The following TCF7L2 variants were observed in gnomAD, a reference collection of about 807,000 sequenced individuals.
TCF7L2 encodes the protein transcription factor 7 like 2, also known as transcription factor 7-like 2.
TCF7L2 carries 23 observed loss-of-function variants against 77.9 expected under a neutral mutation model. The ratio of observed to expected loss-of-function variants is 0.30; its 90% confidence interval spans 0.21 to 0.42. The LOEUF is 0.42. Among genes scored for constraint, TCF7L2 ranks in the 10% least tolerant of loss-of-function variants. The pLI is 1.00. For missense variants in TCF7L2, 654 were observed against 793.1 expected (o/e 0.82, Z 2.11); for synonymous variants, 413 against 340.2 (o/e 1.21, Z -2.36).
chr10:113,153,253 G>C (rs2071136530), intron 11 of TCF7L2, among the ~76,000 whole-genome samples: 1 of 152,254 alleles, frequency 6.6e-6, no homozygotes, highest in Admixed American at 6.5e-5. Flanking sequence ...CACCATTGCT[G>C]GTTATCCTCC....
Position 113,151,001 on chromosome 10 carries a change from C to T in TCF7L2, c.879C>T (p.Phe293=), listed in dbSNP as rs2137126424. 6.2e-7 allele frequency: 1 copy of T among 1,613,678 alleles called. No homozygotes were observed. Among genetic ancestry groups the T allele is most frequent in the South Asian group, 1.1e-5 (1 of 91,052 alleles). The change falls in exon 9 of 14, where the codon TTC becomes TTT. Residue 293 remains phenylalanine, a synonymous_variant. Transcript: ENST00000627217. The surrounding 1 kb of genome is among the most constrained non-coding windows in gnomAD (Gnocchi z 5.2). ...TACACAGCTTTCTGTCTTCTAGGTT[C>T]CCTCCCCATATGGTCCCACCACATC...
intron 3 of TCF7L2, 73 bp downstream of exon 3, chr10:112,951,680 C>A: frequency 1.1e-6 from 1 of 884,926 alleles, no homozygotes; most frequent in Non-Finnish European, 1.4e-6. Context: ...CGCATGCGGC[C>A]CCTGCCCTGC....
chr10:113,131,698 G>A (rs2066628925), intron 5 of TCF7L2, among the ~76,000 whole-genome samples: 1 of 152,202 alleles, frequency 6.6e-6, no homozygotes, highest in Non-Finnish European at 1.5e-5. Flanking sequence ...TTTTCTGGAA[G>A]CAGCAGAGCC....
At chr10:113,061,231 T>C (rs1157559700) in intron 5 of TCF7L2, among the ~76,000 whole-genome samples, 1 of 152,120 alleles carries the variant, frequency 6.6e-6, no homozygotes, top group African/African-American at 2.4e-5. Context: ...CCAGCTGGCA[T>C]GGTCCCCCGT....
In TCF7L2 at chr10:113,089,620, A is replaced by G. The variant is rs139520024; in HGVS notation, c.552+49494A>G. The G allele has an allele frequency of 3.9e-4, 604 of 1,540,758 alleles. 3 individuals carry two copies. The African/African-American group carries it at 7.6e-3, about 19-fold the overall frequency. On this transcript the variant is annotated intron_variant, in intron 5 of 13. Coordinates refer to ENST00000627217, the MANE Select transcript of TCF7L2 (RefSeq NM_001146274.2). ...GCCCACCCAAAGTTTACCTCTCTCT[A>G]GGGCAGGGCCCATCCACTGCGATCC...
intron 5 of TCF7L2, among the ~76,000 whole-genome samples, chr10:113,075,634 T>C (rs1045943194): frequency 6.6e-6 from 1 of 152,156 alleles, no homozygotes; most frequent in Non-Finnish European, 1.5e-5. Context: ...GACATGATGA[T>C]GTAAAAGCTA....
chr10:113,167,485 A>G lies in TCF7L2; in HGVS notation c.*1513A>G, dbSNP rs1247873351. On this transcript the variant is annotated 3_prime_UTR_variant, in exon 14 of 14. Transcript: ENST00000627217. Reference sequence around the variant, plus strand: ...TTTTCTCTGGTTTATTAAAATGCTAACTATAACATTTTTTGTGAATACTTT... The same window carrying G: ...TTTTCTCTGGTTTATTAAAATGCTAGCTATAACATTTTTTGTGAATACTTT... 9.0e-6 allele frequency: 2 copies of G among 221,240 alleles called. No homozygotes were observed. The highest frequency in any genetic ancestry group is 2.2e-5 in the African/African-American group (1 of 44,640). The allele number at this position is 221,240 out of a possible 1,614,324, so 13.7% of individuals were successfully genotyped here. A position where few individuals can be genotyped will look rare whatever the true frequency, so the allele number is the denominator to read the frequency against.
chr10:113,074,817 T>G (rs545899860), intron 5 of TCF7L2, among the ~76,000 whole-genome samples: 1 of 152,262 alleles, frequency 6.6e-6, no homozygotes, highest in African/African-American at 2.4e-5. Flanking sequence ...CTGGATACAG[T>G]GTTGGTTGTA....
At chr10:113,143,230 G>A (rs907750734) in intron 6 of TCF7L2, among the ~76,000 whole-genome samples, 3 of 152,356 alleles carry the variant, frequency 2.0e-5, no homozygotes, top group South Asian at 2.1e-4. Flanking sequence ...TGCGACGCAC[G>A]CGGTGCCCAT....
rs146114937 is a variant in TCF7L2, at chr10:112,959,613, G to A, written c.382-4943G>A. Among the ~76,000 whole-genome samples the A allele has an allele frequency of 2.8e-3, 423 of 152,256 alleles. 3 individuals carry two copies. Among genetic ancestry groups the A allele is most frequent in the African/African-American group, 9.7e-3 (405 of 41,550 alleles). Reference sequence around the variant, plus strand: ...ATGTTCAGTGTCTAGATCTCTGCAGGAATGTTTAAGCTCAAGTACCAGGCA... The same window carrying A: ...ATGTTCAGTGTCTAGATCTCTGCAGAAATGTTTAAGCTCAAGTACCAGGCA... On this transcript the variant is annotated intron_variant, in intron 3 of 13. Coordinates refer to ENST00000627217, the MANE Select transcript of TCF7L2 (RefSeq NM_001146274.2).
chr10:113,044,038 T>TG (rs1320950664), intron 5 of TCF7L2, among the ~76,000 whole-genome samples: 1 of 152,224 alleles, frequency 6.6e-6, no homozygotes, highest in Non-Finnish European at 1.5e-5. Context: ...AATTTTATCT[T>TG]GGGGGTTTCC....
chr10:113,092,404 G>A (rs146410856), intron 5 of TCF7L2, among the ~76,000 whole-genome samples: 6 of 152,318 alleles, frequency 3.9e-5, no homozygotes, highest in Non-Finnish European at 7.4e-5. Context: ...TATGTAAAGC[G>A]GGAGCTTGAT....
intron 4 of TCF7L2, among the ~76,000 whole-genome samples, chr10:113,026,298 C>T (rs1300484146): frequency 6.6e-6 from 1 of 151,994 alleles, no homozygotes; most frequent in East Asian, 1.9e-4. Context: ...ATTACAGATA[C>T]CCACCACCAT....
intron 5 of TCF7L2, among the ~76,000 whole-genome samples, chr10:113,118,518 GGGGTGT>G (rs1240860828): frequency 2.9e-3 from 132 of 45,482 alleles, no homozygotes; most frequent in South Asian, 9.3e-3. Flanking sequence ...GGTCATCTGG[GGGGTGT>G]GTGTGTGTGT....
At chr10:113,017,825 CT>C (rs1267594982) in intron 4 of TCF7L2, among the ~76,000 whole-genome samples, 2 of 152,204 alleles carry the variant, frequency 1.3e-5, no homozygotes, top group Non-Finnish European at 2.9e-5. Context: ...GGGTCTCTTA[CT>C]TTTCATAGCA....
At chr10:112,980,515 C>T (rs891109944) in intron 4 of TCF7L2, among the ~76,000 whole-genome samples, 8 of 152,114 alleles carry the variant, frequency 5.3e-5, no homozygotes, top group African/African-American at 1.9e-4. Flanking sequence ...CCGGGAGTCA[C>T]GAAGTTCGGA....
intron 4 of TCF7L2, among the ~76,000 whole-genome samples, chr10:113,037,885 G>T (rs905809722): frequency 3.9e-5 from 6 of 152,188 alleles, no homozygotes; most frequent in Non-Finnish European, 8.8e-5. Context: ...GTGTTGGTGG[G>T]TGTCCATTTT....
At chr10:113,119,861 G>A (rs1298524554) in intron 5 of TCF7L2, among the ~76,000 whole-genome samples, 3 of 152,110 alleles carry the variant, frequency 2.0e-5, no homozygotes, top group Admixed American at 6.5e-5. Context: ...ACCCCCAAGC[G>A]GTCTCTTTTT....
At chr10:113,033,997 T>C (rs1174415296) in intron 4 of TCF7L2, among the ~76,000 whole-genome samples, 1 of 152,256 alleles carries the variant, frequency 6.6e-6, no homozygotes, top group African/African-American at 2.4e-5. Flanking sequence ...CAACTTCTTG[T>C]ATTTTAACCA....
Sources: allele counts gnomAD v4.1 joint callset (sites outside exome capture counted in the v4.1 genomes callset), GRCh38; gene constraint gnomAD v4.1.1; non-coding constraint Gnocchi (gnomAD v3.1); transcripts MANE v1.5; gene names NCBI Gene and HGNC (gene_info 2026-07-23, HGNC 2026-07-21).